Variants in SSMEM1 observed in about 807,000 individuals in gnomAD.
The protein encoded by SSMEM1 is serine-rich single-pass membrane protein 1.
A neutral mutation model predicts 9.9 loss-of-function variants in SSMEM1; 12 were observed. The ratio of observed to expected loss-of-function variants is 1.21; its 90% CI spans 0.78 to 1.96. The LOEUF is 1.96. Among genes scored for constraint, SSMEM1 ranks in the 30% most tolerant of loss-of-function variants. The pLI is 0.00. For synonymous variants in SSMEM1, 96 were observed against 98.9 expected (o/e 0.97, Z 0.17); for missense variants, 259 against 292.2 (o/e 0.89, Z 0.83).
intron 1 of SSMEM1, among the ~76,000 whole-genome samples, chr7:130,213,174 C>A (rs944488087): frequency 2.0e-5 from 3 of 151,930 alleles, no homozygotes; most frequent in Admixed American, 1.3e-4. Flanking sequence ...ATGGTGAAAC[C>A]CTGTCTCTAC....
At chr7:130,214,913 C>T (rs2087242) in intron 2 of SSMEM1, among the ~76,000 whole-genome samples, 40,114 of 152,150 alleles carry the variant, frequency 0.26, 5,881 homozygotes, top group East Asian at 0.59. Flanking sequence ...TGCTGATTTT[C>T]GTGGTATAAA....
At chr7:130,215,679 C>A (rs1182872844) in intron 2 of SSMEM1, among the ~76,000 whole-genome samples, 2 of 152,178 alleles carry the variant, frequency 1.3e-5, no homozygotes, top group African/African-American at 2.4e-5. Flanking sequence ...AAAAAGAGTT[C>A]TTCCCTGGAA....
At chr7:130,205,551 C>T (rs1199379914), upstream of SSMEM1, 3 of 987,132 alleles carry the variant, frequency 3.0e-6, no homozygotes, top group Non-Finnish European at 4.6e-6. Flanking sequence ...ACCAGGGAAA[C>T]AGGTCTCGGT....
In SSMEM1 at chr7:130,208,070, T is replaced by C. The variant is rs1205390295; in HGVS notation, c.160T>C (p.Phe54Leu). The change falls in exon 1 of 3, where the codon TTC (phenylalanine) becomes CTC (leucine). Residue 54 changes from phenylalanine (F) to leucine (L), a missense_variant. Physicochemically the swap from Phe to Leu is conservative, Grantham distance 22. Coordinates refer to ENST00000297819, the MANE Select transcript of SSMEM1 (RefSeq NM_145268.4). ...TTTTGTTATCGTATTTGTCCTGATG[T>C]TCTTCTCTAGGGCTTCTGTCTGGGT... The part of the protein sequence containing the change: ...WYFVIVFVLM[F>L]FSRASVWMSE... The C allele has an allele frequency of 6.2e-7, 1 of 1,613,738 alleles. No individual in the cohort carries two copies. Among genetic ancestry groups the C allele is most frequent in the East Asian group, 2.2e-5 (1 of 44,844 alleles).
At chr7:130,207,773 C>A, upstream of SSMEM1, 2 of 879,898 alleles carry the variant, frequency 2.3e-6, no homozygotes, top group Non-Finnish European at 3.8e-6. Context: ...AAGCATTTGT[C>A]AGTTCCTAGA....
upstream of SSMEM1, among the ~76,000 whole-genome samples, chr7:130,207,535 A>G (rs1006142458): frequency 2.6e-5 from 4 of 152,238 alleles, no homozygotes; most frequent in African/African-American, 7.2e-5. Flanking sequence ...TCGGTAATAC[A>G]TTAGAACTGT....
upstream of SSMEM1, among the ~76,000 whole-genome samples, chr7:130,206,538 A>T (rs9656390): frequency 0.26 from 39,018 of 152,190 alleles, 5,319 homozygotes; most frequent in East Asian, 0.39. Flanking sequence ...TTGTATATTA[A>T]TGAAAATCGG....
intron 2 of SSMEM1, 57 bp downstream of exon 2, chr7:130,213,591 T>G (rs1798638645): frequency 1.3e-6 from 2 of 1,513,240 alleles, no homozygotes; most frequent in Non-Finnish European, 1.8e-6. Context: ...TGTGTGGTGT[T>G]GCATGCCTGT....
intron 2 of SSMEM1, among the ~76,000 whole-genome samples, chr7:130,213,939 A>G (rs2633385): frequency 0.74 from 111,760 of 151,926 alleles, 41,772 homozygotes; most frequent in East Asian, 1. Context: ...GGGAGGTGGA[A>G]CTCAAGTTCT....
At chr7:130,209,745 A>C (rs1232394930) in intron 1 of SSMEM1, among the ~76,000 whole-genome samples, 1 of 152,018 alleles carries the variant, frequency 6.6e-6, no homozygotes, top group Non-Finnish European at 1.5e-5. Context: ...ACGCGCAGCT[A>C]ATTTTTGTAT....
In SSMEM1 at chr7:130,215,973, G is replaced by A; in HGVS notation, c.239-1G>A. ...ACTTGATATGTTTCATTGGTTGTTA[G>A]CAAGCAAAGAGACTTCCTGTAAGCG... On this transcript the variant is annotated splice_acceptor_variant, in intron 2 of 2. Transcript: ENST00000297819. LOFTEE classifies it high-confidence loss of function. 1 of 1,612,734 alleles carries A rather than the reference G, an allele frequency of 6.2e-7. No homozygotes were observed. Among genetic ancestry groups the A allele is most frequent in the Non-Finnish European group, 8.5e-7 (1 of 1,179,378 alleles).
chr7:130,208,987 C>G (rs1337509483), intron 1 of SSMEM1, among the ~76,000 whole-genome samples: 1 of 152,074 alleles, frequency 6.6e-6, no homozygotes, highest in Non-Finnish European at 1.5e-5. Flanking sequence ...CTCAGCCTCC[C>G]TTGTAGCTGG....
At position 130,215,100 on chromosome 7, in the gene SSMEM1, C is replaced by T. The variant is rs181973575; in HGVS notation, c.239-874C>T. On this transcript the variant is annotated intron_variant, in intron 2 of 2. Coordinates refer to ENST00000297819, the MANE Select transcript of SSMEM1 (RefSeq NM_145268.4). ...GGTGGATCTCCTGAGGTCAGGAGTTCGAGACCAGCCTGGCCAACATGGCAA... is the reference window on the plus strand; with the variant it reads ...GGTGGATCTCCTGAGGTCAGGAGTTTGAGACCAGCCTGGCCAACATGGCAA... 1.8e-3 allele frequency among the ~76,000 whole-genome samples: 271 copies of T among 152,210 alleles called. 5 individuals carry two copies. The highest frequency in any genetic ancestry group is 0.016 in the Admixed American group (240 of 15,292).
chr7:130,214,115 G>T (rs1028841284), intron 2 of SSMEM1, among the ~76,000 whole-genome samples: 4 of 152,174 alleles, frequency 2.6e-5, no homozygotes, highest in Non-Finnish European at 4.4e-5. Flanking sequence ...ACTCCTGTGT[G>T]TACATATGCT....
Position 130,216,195 on chromosome 7 carries a change from G to A in SSMEM1, c.460G>A (p.Glu154Lys). Reference protein sequence around the residue: ...DSDTTEYGSEESNSEASSWKE... With the variant: ...DSDTTEYGSEKSNSEASSWKE... ...TGATACTACGGAGTATGGCAGTGAA[G>A]AGTCTAACTCAGAAGCCTCCTCGTG... is the stretch of plus-strand genomic sequence containing the variant. The change falls in exon 3 of 3, where the codon GAG becomes AAG. Residue 154 changes from glutamate to lysine, a missense_variant. Physicochemically the swap from Glu to Lys is moderately conservative, Grantham distance 56. Coordinates refer to ENST00000297819, the MANE Select transcript of SSMEM1 (RefSeq NM_145268.4). 6.2e-7 allele frequency: 1 copy of A among 1,614,198 alleles called. No homozygotes were observed. Among genetic ancestry groups the A allele is most frequent in the Non-Finnish European group, 8.5e-7 (1 of 1,180,028 alleles).
At position 130,213,486 on chromosome 7, in the gene SSMEM1, G is replaced by T; in HGVS notation, c.190G>T (p.Glu64Ter). ...ACCTATGTTTCTGAAACAGATGTCT[G>T]AGGATAAAAAGGATGAAGGCAGTGG... ...FFSRASVWMSEDKKDEGSGTS... is the reference protein window; with the variant it reads ...FFSRASVWMS The change falls in exon 2 of 3, where the codon GAG becomes TAG. Residue 64 changes from glutamate to a stop codon, truncating the protein, a stop_gained. Coordinates refer to ENST00000297819, the MANE Select transcript of SSMEM1 (RefSeq NM_145268.4). LOFTEE classifies it low-confidence loss of function (END_TRUNC). 1 of 1,610,414 alleles carries T rather than the reference G, an allele frequency of 6.2e-7. No individual in the cohort carries two copies. The highest frequency in any genetic ancestry group is 8.5e-7 in the Non-Finnish European group (1 of 1,177,656).
chr7:130,211,217 G>A (rs562789650), intron 1 of SSMEM1, among the ~76,000 whole-genome samples: 1 of 149,644 alleles, frequency 6.7e-6, no homozygotes, highest in African/African-American at 2.5e-5. Context: ...GAGTGCAGTG[G>A]TGCAATCTCT....
intron 1 of SSMEM1, 137 bp from the exon 2 acceptor site, chr7:130,213,343 C>A (rs1798630499): frequency 9.3e-6 from 5 of 535,586 alleles, no homozygotes; most frequent in African/African-American, 8.0e-5. Context: ...GTGAGACTCT[C>A]CAAAAATAAA....
chr7:130,211,765 T>A lies in SSMEM1; in HGVS notation c.184-1715T>A, dbSNP rs957738395. ...AACCATAGCTATCACTTTTATATGCTCCTTAAAGTCTTTTTTTTCATATTT... is the reference window on the plus strand; with the variant it reads ...AACCATAGCTATCACTTTTATATGCACCTTAAAGTCTTTTTTTTCATATTT... On this transcript the variant is annotated intron_variant, in intron 1 of 2. Transcript: ENST00000297819. Among the ~76,000 whole-genome samples the A allele has an allele frequency of 3.3e-4, 50 of 152,204 alleles. 1 individual carries two copies. The highest frequency in any genetic ancestry group is 1.1e-3 in the African/African-American group (47 of 41,458).
Sources: gnomAD v4.1 joint callset for allele counts (sites outside exome capture counted in the v4.1 genomes callset) on GRCh38, gnomAD v4.1.1 for gene constraint, MANE v1.5 for transcripts, NCBI Gene and HGNC (gene_info 2026-07-23, HGNC 2026-07-21) for gene names.